GSG1L: variants seen among roughly 807,000 people sequenced by gnomAD.
GSG1L encodes GSG1 like, also known as germ cell-specific gene 1-like protein.
In GSG1L, 24 loss-of-function variants were observed where a neutral mutation model predicts 42.1. That is an observed-to-expected ratio of 0.57 (90% CI 0.41 to 0.80). GSG1L has a LOEUF of 0.80. GSG1L is among the 30% of genes least tolerant of loss of function. The pLI is 0.00. For synonymous variants in GSG1L, 215 were observed against 203.5 expected (o/e 1.06, Z -0.48); for missense variants, 445 against 472.2 (o/e 0.94, Z 0.53).
intron 1 of GSG1L, among the ~76,000 whole-genome samples, chr16:28,013,504 T>G (rs1255101670): frequency 6.6e-6 from 1 of 152,154 alleles, no homozygotes; most frequent in Non-Finnish European, 1.5e-5. Context: ...CCCAGAACAG[T>G]GCTTGGCAGG....
chr16:27,861,695 CCTT>C lies in GSG1L; in HGVS notation c.551-16637_551-16635del, dbSNP rs1215168528. 2.0e-5 allele frequency among the ~76,000 whole-genome samples: 3 copies of C among 152,186 alleles called. No homozygotes were observed. In the East Asian group the frequency reaches 5.8e-4, roughly 29 times the overall value. On this transcript the variant is annotated intron_variant, in intron 3 of 6. Transcript: ENST00000447459. ...CCGCCCCTCTTTCCCTCTCTGGCCT[CCTT>C]CTTGTCCCTTGCATACCCCAAAGCA...
chr16:27,845,134 C>A, intron 3 of GSG1L, 73 bp from the exon 4 acceptor site: 1 of 977,584 alleles, frequency 1.0e-6, no homozygotes, highest in South Asian at 1.5e-5. Context: ...CACAGCCTCT[C>A]TGCTGCCTGC....
intron 1 of GSG1L, among the ~76,000 whole-genome samples, chr16:28,034,436 T>A (rs1370267403): frequency 6.6e-6 from 1 of 152,184 alleles, no homozygotes; most frequent in East Asian, 1.9e-4. Context: ...TTCTACTGGC[T>A]TATGTGAAGA....
At chr16:27,848,185 A>T (rs1489361184) in intron 3 of GSG1L, among the ~76,000 whole-genome samples, 1 of 152,228 alleles carries the variant, frequency 6.6e-6, no homozygotes, top group African/African-American at 2.4e-5. Flanking sequence ...AAGAGTGCAC[A>T]TCTGAGACTC....
intron 6 of GSG1L, among the ~76,000 whole-genome samples, chr16:27,792,008 C>A (rs1401021868): frequency 6.6e-6 from 1 of 152,060 alleles, no homozygotes. Context: ...AAGCCATGCC[C>A]CCACTCCTGC....
At chr16:27,890,156 C>T (rs941346750) in intron 2 of GSG1L, among the ~76,000 whole-genome samples, 1 of 152,144 alleles carries the variant, frequency 6.6e-6, no homozygotes, top group Non-Finnish European at 1.5e-5. Context: ...CTAGTCAAGG[C>T]TCTTATTCAA....
At chr16:28,027,780 G>A (rs1209986724) in intron 1 of GSG1L, among the ~76,000 whole-genome samples, 4 of 152,100 alleles carry the variant, frequency 2.6e-5, no homozygotes, top group Admixed American at 2.6e-4. Context: ...CAGCACTTTG[G>A]GAGGACAAGG....
chr16:28,029,271 G>T (rs755789411), intron 1 of GSG1L, among the ~76,000 whole-genome samples: 11 of 152,220 alleles, frequency 7.2e-5, no homozygotes, highest in Non-Finnish European at 1.6e-4. Flanking sequence ...TTTTCATTAT[G>T]TGAGTAGAAG....
chr16:27,909,043 T>A (rs1208854561), intron 2 of GSG1L, among the ~76,000 whole-genome samples: 2 of 152,086 alleles, frequency 1.3e-5, no homozygotes, highest in African/African-American at 4.8e-5. Context: ...CTGGGGCCCA[T>A]CATTTAACAT....
intron 1 of GSG1L, among the ~76,000 whole-genome samples, chr16:27,979,187 G>T (rs953423767): frequency 2.0e-5 from 3 of 152,108 alleles, no homozygotes; most frequent in African/African-American, 7.2e-5. Context: ...GGTGGCTCAT[G>T]CTTGTAGTCC....
intron 1 of GSG1L, among the ~76,000 whole-genome samples, chr16:27,963,724 C>A (rs2085096433): frequency 6.6e-6 from 1 of 152,216 alleles, no homozygotes. Flanking sequence ...TCCCTCTGCC[C>A]CCGTTCCTGG....
chr16:27,796,939 G>C (rs1204479909), intron 6 of GSG1L, among the ~76,000 whole-genome samples: 1 of 152,140 alleles, frequency 6.6e-6, no homozygotes, highest in East Asian at 1.9e-4. Flanking sequence ...CTCCCCCCGG[G>C]TGCTCACAGG....
At chr16:27,883,138 AAG>A (rs1321719505) in intron 3 of GSG1L, among the ~76,000 whole-genome samples, 3 of 25,664 alleles carry the variant, frequency 1.2e-4, no homozygotes, top group Non-Finnish European at 3.3e-4. Flanking sequence ...AAAAAAAAAA[AAG>A]AGAGAGAGAG....
At chr16:27,955,984 G>A (rs2085000790) in intron 2 of GSG1L, among the ~76,000 whole-genome samples, 1 of 151,878 alleles carries the variant, frequency 6.6e-6, no homozygotes, top group Non-Finnish European at 1.5e-5. Context: ...GAGAGAAGAA[G>A]GAAAGGAGGA....
In GSG1L at chr16:28,063,237, C is replaced by T. The variant is rs1415501560; in HGVS notation, c.188G>A (p.Gly63Asp). ...PNSGANATANGTAAPAAAAAA... is the reference protein window; with the variant it reads ...PNSGANATANDTAAPAAAAAA... ...GGCGGCGGCGGCGGGGGCGGCGGTG[C>T]CGTTGGCCGTGGCGTTGGCGCCCGA... The change falls in exon 1 of 7, where the codon GGC (glycine) becomes GAC (aspartate). Residue 63 changes from glycine to aspartate, a missense_variant. Transcript: ENST00000447459. The surrounding 1 kb of genome is among the most constrained non-coding windows in gnomAD (Gnocchi z 5.8). The T allele has an allele frequency of 1.2e-5, 15 of 1,273,376 alleles. No individual in the cohort carries two copies. The highest frequency in any genetic ancestry group is 1.3e-5 in the Non-Finnish European group (13 of 1,011,728). 78.9% of individuals were successfully genotyped at this position (1,273,376 alleles called of 1,614,324 possible).
At chr16:27,968,490 A>T (rs1052354323) in intron 1 of GSG1L, among the ~76,000 whole-genome samples, 1 of 152,098 alleles carries the variant, frequency 6.6e-6, no homozygotes, top group Non-Finnish European at 1.5e-5. Context: ...AGCTCACGCA[A>T]TTCTCCTGCA....
chr16:27,877,398 C>T (rs901500041), intron 3 of GSG1L, among the ~76,000 whole-genome samples: 5 of 152,136 alleles, frequency 3.3e-5, no homozygotes, highest in African/African-American at 1.2e-4. Flanking sequence ...GGTATAAAGA[C>T]AAATATGACC....
At chr16:27,837,449 G>A (rs1045201440) in intron 4 of GSG1L, among the ~76,000 whole-genome samples, 3 of 152,078 alleles carry the variant, frequency 2.0e-5, no homozygotes, top group African/African-American at 7.2e-5. Context: ...GTGGGGGTGG[G>A]AGTTCTGACT....
At chr16:27,844,800 C>T in intron 4 of GSG1L, 150 bp downstream of exon 4, 1 of 513,408 alleles carries the variant, frequency 1.9e-6, no homozygotes, top group Non-Finnish European at 3.5e-6. Flanking sequence ...GCCCTGGGGT[C>T]TTAAAGCGCC....
Sources: gnomAD v4.1 joint callset for allele counts (sites outside exome capture counted in the v4.1 genomes callset) on GRCh38, gnomAD v4.1.1 for gene constraint, Gnocchi (gnomAD v3.1) non-coding constraint, MANE v1.5 for transcripts, NCBI Gene and HGNC (gene_info 2026-07-23, HGNC 2026-07-21) for gene names.